The following BMPR1B variants were observed in gnomAD, a reference collection of about 807,000 sequenced individuals.
The protein encoded by BMPR1B is bone morphogenetic protein receptor type-1B.
BMPR1B carries 12 observed loss-of-function variants against 59.1 expected under a neutral mutation model. That is an observed-to-expected ratio of 0.20 (90% CI 0.13 to 0.33). The LOEUF (loss-of-function observed/expected upper bound fraction) is 0.33. Ranked by LOEUF, BMPR1B falls within the 10% of genes least tolerant of loss-of-function variation. The pLI is 1.00. For missense variants in BMPR1B, 550 were observed against 610.9 expected, an observed-to-expected ratio of 0.90 and a Z score of 1.05; for synonymous variants, 237 against 207.3, an observed-to-expected ratio of 1.14 and a Z score of -1.23.
chr4:94,957,247 C>T (rs1053819709), intron 2 of BMPR1B, among the ~76,000 whole-genome samples: 2 of 146,384 alleles, frequency 1.4e-5, no homozygotes, highest in African/African-American at 2.5e-5. Flanking sequence ...CCTTCCATGG[C>T]GGTATATGAG....
chr4:94,858,880 T>C (rs1191539302), intron 1 of BMPR1B, among the ~76,000 whole-genome samples: 9 of 152,218 alleles, frequency 5.9e-5, no homozygotes, highest in African/African-American at 2.2e-4. Flanking sequence ...CAAATCCACT[T>C]AAATTCTTCT....
chr4:95,094,232 A>G (rs1174785386), intron 3 of BMPR1B, among the ~76,000 whole-genome samples: 3 of 152,104 alleles, frequency 2.0e-5, no homozygotes, highest in Non-Finnish European at 2.9e-5. Flanking sequence ...GTACCAAGAG[A>G]TGAAAGAAAA....
intron 3 of BMPR1B, among the ~76,000 whole-genome samples, chr4:95,039,250 T>C (rs1441950960): frequency 1.3e-5 from 2 of 152,234 alleles, no homozygotes; most frequent in African/African-American, 2.4e-5. Flanking sequence ...ACTTCTCTTA[T>C]TTCGTGCACA....
intron 1 of BMPR1B, among the ~76,000 whole-genome samples, chr4:94,813,246 GA>G (rs796707719): frequency 3.2e-4 from 48 of 151,586 alleles, no homozygotes; most frequent in African/African-American, 1.1e-3. Flanking sequence ...AGAGCTGTGG[GA>G]AAAAAAAGGC....
intron 8 of BMPR1B, among the ~76,000 whole-genome samples, chr4:95,129,119 A>G (rs946191135): frequency 6.6e-6 from 1 of 152,208 alleles, no homozygotes; most frequent in African/African-American, 2.4e-5. Flanking sequence ...ATCCCGCCAT[A>G]GTCACGGCAT....
intron 2 of BMPR1B, among the ~76,000 whole-genome samples, chr4:94,908,579 C>T (rs1482603220): frequency 6.6e-6 from 1 of 151,756 alleles, no homozygotes; most frequent in South Asian, 2.1e-4. Context: ...TTTTAAGGGT[C>T]TCTGTACCAT....
intron 2 of BMPR1B, among the ~76,000 whole-genome samples, chr4:94,937,163 C>G (rs1729341669): frequency 6.6e-6 from 1 of 152,186 alleles, no homozygotes; most frequent in African/African-American, 2.4e-5. Context: ...ACTCATTCAT[C>G]ATTTTGTTTG....
chr4:95,123,977 G>A, intron 7 of BMPR1B, 71 bp downstream of exon 7: 1 of 1,073,848 alleles, frequency 9.3e-7, no homozygotes, highest in South Asian at 1.3e-5. Context: ...TTCTGCTTTT[G>A]CCTGTTAGTG....
At chr4:94,970,510 C>T (rs1730748887) in intron 2 of BMPR1B, among the ~76,000 whole-genome samples, 1 of 152,056 alleles carries the variant, frequency 6.6e-6, no homozygotes, top group African/African-American at 2.4e-5. Flanking sequence ...GACAGGGTTT[C>T]GCCCTGTTGT....
At chr4:94,985,989 G>A (rs1290830663) in intron 2 of BMPR1B, among the ~76,000 whole-genome samples, 1 of 152,100 alleles carries the variant, frequency 6.6e-6, no homozygotes. Flanking sequence ...ATGTTTTTGA[G>A]GTTCCTGGAC....
chr4:95,104,525 G>GCCA lies in BMPR1B; in HGVS notation c.108_110dup (p.His37dup). ...CGTCCAAAGGTCTTGCGTTGTAAAT[G>GCCA]CCACCACCATTGTCCAGAAGACTCA... On this transcript the variant is annotated inframe_insertion, in exon 4 of 13. Transcript: ENST00000515059. The GCCA allele has an allele frequency of 4.3e-6, 7 of 1,613,466 alleles. No homozygotes were observed. Among genetic ancestry groups the GCCA allele is most frequent in the Non-Finnish European group, 5.9e-6 (7 of 1,179,604 alleles).
rs1285497066 is a variant in BMPR1B, at chr4:95,086,109, A to G, written c.-17-18299A>G. Among the ~76,000 whole-genome samples the G allele has an allele frequency of 5.3e-5, 8 of 152,278 alleles. 2 individuals carry two copies. In the Middle Eastern group the frequency reaches 0.027, roughly 518 times the overall value. ...GTATAAACTGATATGATTATTCTGG[A>G]TCATTAATAAACATTCATAAAGCTA... On this transcript the variant is annotated intron_variant, in intron 3 of 12. Transcript: ENST00000515059.
chr4:94,911,190 C>T lies in BMPR1B; in HGVS notation c.-113+35290C>T, dbSNP rs143756555. 1.4e-4 allele frequency among the ~76,000 whole-genome samples: 21 copies of T among 152,240 alleles called. 1 individual carries two copies. In the East Asian group the frequency reaches 4.1e-3, roughly 29 times the overall value. ...AGTCTAAATATTACTGGCTTTGTGC[C>T]AGACTGAGGATACAGAGATGAGTGA... is the stretch of plus-strand genomic sequence containing the variant. On this transcript the variant is annotated intron_variant, in intron 2 of 12. Transcript: ENST00000515059.
intron 3 of BMPR1B, among the ~76,000 whole-genome samples, chr4:95,035,401 T>C (rs1201398686): frequency 6.6e-6 from 1 of 152,218 alleles, no homozygotes. Flanking sequence ...CTAGAATTTT[T>C]ATGGTTTCAG....
intron 1 of BMPR1B, among the ~76,000 whole-genome samples, chr4:94,768,495 A>ATTTTTCCCTCCCCTTTCAT (rs1485155783): frequency 6.6e-5 from 10 of 151,950 alleles, no homozygotes; most frequent in Admixed American, 6.6e-5. Context: ...TCACCTTCTC[A>ATTTTTCCCTCCCCTTTCAT]TTTTTCCCTC....
intron 3 of BMPR1B, among the ~76,000 whole-genome samples, chr4:95,067,640 T>C (rs1004872053): frequency 2.6e-5 from 4 of 152,208 alleles, no homozygotes; most frequent in African/African-American, 9.7e-5. Flanking sequence ...AAAACAATAT[T>C]TTACCTTTAA....
intron 3 of BMPR1B, among the ~76,000 whole-genome samples, chr4:95,040,828 T>C (rs942174475): frequency 6.6e-6 from 1 of 152,192 alleles, no homozygotes; most frequent in Non-Finnish European, 1.5e-5. Flanking sequence ...AAACAGCTTG[T>C]TTTGTTAAAA....
chr4:95,052,302 T>C (rs1196595683), intron 3 of BMPR1B, among the ~76,000 whole-genome samples: 1 of 152,184 alleles, frequency 6.6e-6, no homozygotes, highest in African/African-American at 2.4e-5. Flanking sequence ...TGTGATAATT[T>C]TGTTCAGAAG....
chr4:95,085,912 G>C (rs1276908850), intron 3 of BMPR1B, among the ~76,000 whole-genome samples: 1 of 152,050 alleles, frequency 6.6e-6, no homozygotes, highest in Non-Finnish European at 1.5e-5. Context: ...AGGAACATTT[G>C]GCAAGAAGAG....
Sources: gnomAD v4.1 joint callset for allele counts (sites outside exome capture counted in the v4.1 genomes callset) on GRCh38, gnomAD v4.1.1 for gene constraint, MANE v1.5 for transcripts, NCBI Gene and HGNC (gene_info 2026-07-23, HGNC 2026-07-21) for gene names.